PTPRD: variants seen among roughly 807,000 people sequenced by gnomAD.
PTPRD encodes receptor-type tyrosine-protein phosphatase delta.
PTPRD carries 34 observed loss-of-function variants against 214.5 expected under a neutral mutation model. That is an observed-to-expected ratio of 0.16 (90% CI 0.12 to 0.21). The LOEUF (loss-of-function observed/expected upper bound fraction) is 0.21. Ranked by LOEUF, PTPRD falls within the 10% of genes least tolerant of loss-of-function variation. The pLI is 1.00. For synonymous variants in PTPRD, 1,128 were observed against 845.7 expected (o/e 1.33, Z -5.79); for missense variants, 2,545 against 2,398.7 (o/e 1.06, Z -1.27).
At chr9:9,364,624 C>A (rs1208984137) in intron 9 of PTPRD, among the ~76,000 whole-genome samples, 1 of 150,976 alleles carries the variant, frequency 6.6e-6, no homozygotes, top group Non-Finnish European at 1.5e-5. Flanking sequence ...ATAGCTGGAG[C>A]AGAAAGAAAG....
intron 5 of PTPRD, among the ~76,000 whole-genome samples, chr9:9,790,514 T>C (rs2098959842): frequency 6.6e-6 from 1 of 152,254 alleles, no homozygotes; most frequent in African/African-American, 2.4e-5. Flanking sequence ...TTATCTCAAA[T>C]GTTTTGTAAG....
intron 3 of PTPRD, among the ~76,000 whole-genome samples, chr9:10,113,417 G>A (rs2098707027): frequency 6.6e-6 from 1 of 152,172 alleles, no homozygotes; most frequent in South Asian, 2.1e-4. Context: ...CACAGATACA[G>A]ATGAGTTGTT....
intron 8 of PTPRD, among the ~76,000 whole-genome samples, chr9:9,482,667 A>G (rs1026224717): frequency 6.6e-6 from 1 of 152,200 alleles, no homozygotes; most frequent in Non-Finnish European, 1.5e-5. Context: ...CGTAGATGGC[A>G]GTGGTTCTAA....
intron 7 of PTPRD, among the ~76,000 whole-genome samples, chr9:9,602,670 T>C (rs2154338734): frequency 6.6e-6 from 1 of 152,212 alleles, no homozygotes; most frequent in East Asian, 1.9e-4. Flanking sequence ...AAGCATTCTT[T>C]TGTTGTGATG....
chr9:10,408,119 T>C (rs554048523), intron 2 of PTPRD, among the ~76,000 whole-genome samples: 2 of 151,648 alleles, frequency 1.3e-5, no homozygotes, highest in East Asian at 2.0e-4. Flanking sequence ...TATCTTTGCT[T>C]GTGTTTCTTC....
intron 4 of PTPRD, among the ~76,000 whole-genome samples, chr9:9,979,847 T>C (rs746794111): frequency 1.8e-4 from 28 of 152,130 alleles, no homozygotes; most frequent in Non-Finnish European, 4.0e-4. Context: ...TTTATATAGA[T>C]GAAAATTAGA....
At chr9:10,606,581 C>A (rs929381378) in intron 2 of PTPRD, among the ~76,000 whole-genome samples, 7 of 148,538 alleles carry the variant, frequency 4.7e-5, no homozygotes, top group African/African-American at 1.7e-4. Context: ...TTTCCTGGAA[C>A]TTGAGATAAA....
intron 11 of PTPRD, among the ~76,000 whole-genome samples, chr9:8,904,608 G>T (rs1407841220): frequency 1.3e-5 from 2 of 149,650 alleles, no homozygotes; most frequent in Non-Finnish European, 3.0e-5. Flanking sequence ...GGAGGCAAAA[G>T]TTGCAGTGAG....
intron 36 of PTPRD, among the ~76,000 whole-genome samples, chr9:8,392,511 A>T (rs1363646373): frequency 6.6e-6 from 1 of 152,146 alleles, no homozygotes. Context: ...TGGGCGACAG[A>T]GCAAGACTCT....
chr9:10,417,817 T>A (rs189273404), intron 2 of PTPRD, among the ~76,000 whole-genome samples: 1 of 151,900 alleles, frequency 6.6e-6, no homozygotes, highest in African/African-American at 2.4e-5. Flanking sequence ...AGAGAAGCGA[T>A]CTAGTCTTCA....
At chr9:10,564,797 C>G (rs1253210084) in intron 2 of PTPRD, among the ~76,000 whole-genome samples, 1 of 152,170 alleles carries the variant, frequency 6.6e-6, no homozygotes, top group Non-Finnish European at 1.5e-5. Flanking sequence ...GAATAGTTTT[C>G]CTTTTAATGA....
At chr9:9,705,037 A>G (rs752709223) in intron 7 of PTPRD, among the ~76,000 whole-genome samples, 2 of 152,174 alleles carry the variant, frequency 1.3e-5, no homozygotes, top group African/African-American at 2.4e-5. Flanking sequence ...TTTATATGCC[A>G]TCCCCTCCTT....
chr9:10,580,101 T>C (rs2071179288), intron 2 of PTPRD, among the ~76,000 whole-genome samples: 1 of 152,226 alleles, frequency 6.6e-6, no homozygotes, highest in Non-Finnish European at 1.5e-5. Flanking sequence ...AACAATGAAA[T>C]ACTTCATGTG....
intron 8 of PTPRD, among the ~76,000 whole-genome samples, chr9:9,478,569 C>A (rs1443120025): frequency 6.6e-6 from 1 of 152,124 alleles, no homozygotes; most frequent in Admixed American, 6.5e-5. Context: ...ACAGATCTTG[C>A]CACACATTTA....
At chr9:9,057,902 T>G (rs562659164) in intron 10 of PTPRD, among the ~76,000 whole-genome samples, 4 of 152,146 alleles carry the variant, frequency 2.6e-5, no homozygotes, top group Non-Finnish European at 5.9e-5. Context: ...ATTAGAAGTA[T>G]AAATATTATA....
chr9:9,575,257 A>G (rs1044735820), intron 7 of PTPRD, among the ~76,000 whole-genome samples: 1 of 152,180 alleles, frequency 6.6e-6, no homozygotes, highest in African/African-American at 2.4e-5. Flanking sequence ...TATCCGTGAT[A>G]TATTCTATAA....
chr9:9,795,355 C>T (rs2098995105), intron 5 of PTPRD, among the ~76,000 whole-genome samples: 1 of 152,086 alleles, frequency 6.6e-6, no homozygotes, highest in Non-Finnish European at 1.5e-5. Flanking sequence ...TATTAACTCA[C>T]CCAGCTTTGA....
At chr9:10,327,171 G>GTA (rs33959310) in intron 3 of PTPRD, among the ~76,000 whole-genome samples, 23,106 of 142,416 alleles carry the variant, frequency 0.16, 2,093 homozygotes, top group Non-Finnish European at 0.22. Context: ...ATATGTGTGT[G>GTA]TATATATATA....
At chr9:9,052,545 T>G (rs1396433334) in intron 10 of PTPRD, among the ~76,000 whole-genome samples, 2 of 152,114 alleles carry the variant, frequency 1.3e-5, no homozygotes, top group African/African-American at 4.8e-5. Flanking sequence ...GTTAGTGCAA[T>G]GAAGGAAAAT....
Sources: allele counts gnomAD v4.1 joint callset (sites outside exome capture counted in the v4.1 genomes callset), GRCh38; gene constraint gnomAD v4.1.1; transcripts MANE v1.5; gene names NCBI Gene and HGNC (gene_info 2026-07-23, HGNC 2026-07-21).